KDELR3: variants seen among roughly 807,000 people sequenced by gnomAD.
KDELR3 encodes ER lumen protein-retaining receptor 3.
Under a neutral mutation model 22.7 loss-of-function variants are expected in KDELR3, and 26 were observed. That is an observed-to-expected ratio of 1.15 (90% confidence interval 0.84 to 1.59). The LOEUF is 1.59. KDELR3 is among the 40% of genes most tolerant of loss of function. The pLI is 0.00. For synonymous variants in KDELR3, 120 were observed against 98.2 expected, an observed-to-expected ratio of 1.22 and a Z score of -1.31; for missense variants, 289 against 251.1, an observed-to-expected ratio of 1.15 and a Z score of -1.02.
chr22:38,476,828 CTT>C (rs1256274094), intron 2 of KDELR3, among the ~76,000 whole-genome samples: 36 of 137,730 alleles, frequency 2.6e-4, no homozygotes, highest in Non-Finnish European at 3.5e-4. Flanking sequence ...CTGGCCCCCC[CTT>C]TTTTTTTTTT....
At chr22:38,477,190 G>A (rs2089565922) in intron 2 of KDELR3, among the ~76,000 whole-genome samples, 1 of 150,300 alleles carries the variant, frequency 6.7e-6, no homozygotes, top group Non-Finnish European at 1.5e-5. Flanking sequence ...TGGGATTACA[G>A]GCATTAGCCA....
In KDELR3 at chr22:38,481,329, C is replaced by G. The variant is rs1166044648; in HGVS notation, c.469C>G (p.Leu157Val). The G allele has an allele frequency of 6.2e-7, 1 of 1,614,172 alleles. No homozygotes were observed. Among genetic ancestry groups the G allele is most frequent in the Non-Finnish European group, 8.5e-7 (1 of 1,180,026 alleles). The stretch of plus-strand genomic sequence containing the variant: ...TACTCACTACCTGTTCTTTCTGGGT[C>G]TGTACCGGGCACTCTACCTGGCTAA... ...ITTHYLFFLG[L>V]YRALYLANWI... Residue 157 changes from leucine (L) to valine (V), a missense_variant, in exon 4 of 5, where the codon CTG (leucine) becomes GTG (valine). Physicochemically the swap from Leu to Val is conservative, Grantham distance 32. Transcript: ENST00000216014.
intron 2 of KDELR3, among the ~76,000 whole-genome samples, chr22:38,476,631 TCTC>T (rs1306556889): frequency 2.0e-5 from 3 of 151,618 alleles, no homozygotes; most frequent in Non-Finnish European, 2.9e-5. Context: ...TTCAAGCAAT[TCTC>T]CTACCTCAGC....
At position 38,468,297 on chromosome 22, in the gene KDELR3, A is replaced by G. The variant is rs761777134; in HGVS notation, c.64A>G (p.Lys22Glu). 66 of 1,613,584 alleles carry G rather than the reference A, an allele frequency of 4.1e-5. No individual in the cohort carries two copies. Among genetic ancestry groups the G allele is most frequent in the Non-Finnish European group, 5.4e-5 (64 of 1,179,890 alleles). The change falls in exon 1 of 5, where the codon AAG becomes GAG. Residue 22 changes from lysine to glutamate, a missense_variant. Physicochemically the swap from Lys to Glu is moderately conservative, Grantham distance 56. Coordinates refer to ENST00000216014, the MANE Select transcript of KDELR3 (RefSeq NM_006855.4). Reference protein sequence around the residue: ...HLLAMILLLGKIWRSKCCKGI... With the variant: ...HLLAMILLLGEIWRSKCCKGI... ...CCTGGCCATGATCTTGCTGCTGGGGAAGATCTGGAGGTCCAAGTGCTGCAA... is the reference window on the plus strand; with the variant it reads ...CCTGGCCATGATCTTGCTGCTGGGGGAGATCTGGAGGTCCAAGTGCTGCAA...
At chr22:38,474,950 C>T (rs1029177364) in intron 2 of KDELR3, among the ~76,000 whole-genome samples, 2 of 151,546 alleles carry the variant, frequency 1.3e-5, no homozygotes, top group Admixed American at 6.6e-5. Flanking sequence ...CGTGGTGGCT[C>T]ATGCCTGCAG....
Position 38,468,212 on chromosome 22 carries a change from C to G in KDELR3, c.-22C>G. ...TTCCTAGAAGTTTGCTGGGCGCGGG[C>G]GCACGACTGACTGGCTGGACCATGA... On this transcript the variant is annotated 5_prime_UTR_variant, in exon 1 of 5. Coordinates refer to ENST00000216014, the MANE Select transcript of KDELR3 (RefSeq NM_006855.4). 3 of 1,610,526 alleles carry G rather than the reference C, an allele frequency of 1.9e-6. No homozygotes were observed. Among genetic ancestry groups the G allele is most frequent in the Non-Finnish European group, 2.5e-6 (3 of 1,177,080 alleles).
chr22:38,481,523 A>C (rs764153917), intron 4 of KDELR3, 59 bp downstream of exon 4: 1 of 1,610,728 alleles, frequency 6.2e-7, no homozygotes, highest in Admixed American at 1.7e-5. Context: ...CATCCATTTA[A>C]TAAGTATTCC....
At position 38,482,579 on chromosome 22, in the gene KDELR3, A is replaced by T. The variant is rs759811411; in HGVS notation, c.*43A>T. ...CTACGCCTTAACAAGCACATGAAGG[A>T]AACTATTTTGAATGTTCTCTTTGGC... On this transcript the variant is annotated 3_prime_UTR_variant, in exon 5 of 5. Coordinates refer to ENST00000216014, the MANE Select transcript of KDELR3 (RefSeq NM_006855.4). 1.3e-6 allele frequency: 2 copies of T among 1,529,108 alleles called. No homozygotes were observed. Among genetic ancestry groups the T allele is most frequent in the Non-Finnish European group, 1.8e-6 (2 of 1,106,248 alleles). The allele number at this position is 1,529,108 out of a possible 1,614,324, so 94.7% of individuals were successfully genotyped here. A position where few individuals can be genotyped will look rare whatever the true frequency, so the allele number is the denominator to read the frequency against.
intron 1 of KDELR3, among the ~76,000 whole-genome samples, chr22:38,470,739 G>A (rs1441499343): frequency 1.3e-5 from 2 of 152,144 alleles, no homozygotes; most frequent in East Asian, 1.9e-4. Context: ...AGTGGACCCC[G>A]GAGGGACTCT....
chr22:38,481,834 T>C (rs567343796), intron 4 of KDELR3, among the ~76,000 whole-genome samples: 168 of 152,330 alleles, frequency 1.1e-3, no homozygotes, highest in Non-Finnish European at 1.8e-3. Context: ...CCAGTTCACA[T>C]AGGGCAGGGG....
At chr22:38,479,895 G>A in intron 3 of KDELR3, 144 bp downstream of exon 3, 1 of 803,162 alleles carries the variant, frequency 1.2e-6, no homozygotes, top group Non-Finnish European at 2.0e-6. Context: ...AAATTGACAA[G>A]CTATTTACAA....
At chr22:38,471,355 G>A (rs747528491) in intron 1 of KDELR3, among the ~76,000 whole-genome samples, 2 of 152,216 alleles carry the variant, frequency 1.3e-5, no homozygotes, top group Non-Finnish European at 2.9e-5. Flanking sequence ...CAAAGTCTGT[G>A]TGAGGGCTCA....
intron 1 of KDELR3, among the ~76,000 whole-genome samples, chr22:38,472,996 G>C (rs1217232071): frequency 1.3e-5 from 2 of 152,008 alleles, no homozygotes; most frequent in South Asian, 2.1e-4. Context: ...CACCGCCCCC[G>C]GCCCAAATAC....
intron 1 of KDELR3, among the ~76,000 whole-genome samples, chr22:38,471,184 G>C (rs1225874251): frequency 2.0e-5 from 3 of 152,034 alleles, no homozygotes; most frequent in Non-Finnish European, 4.4e-5. Flanking sequence ...AGATCACAAG[G>C]GTTCCCAAAG....
chr22:38,478,658 T>TTTG (rs2089577372), intron 2 of KDELR3, among the ~76,000 whole-genome samples: 1 of 132,016 alleles, frequency 7.6e-6, no homozygotes, highest in African/African-American at 2.8e-5. Context: ...TTTTTTTTTT[T>TTTG]TGAGACAGAG....
intron 3 of KDELR3, 99 bp downstream of exon 3, chr22:38,479,850 A>G (rs1326614550): frequency 1.9e-6 from 2 of 1,047,952 alleles, no homozygotes; most frequent in Non-Finnish European, 2.9e-6. Context: ...AACTGTGACC[A>G]TTACTCATGT....
chr22:38,480,362 TCCAA>T (rs2089590890), intron 3 of KDELR3, among the ~76,000 whole-genome samples: 1 of 152,060 alleles, frequency 6.6e-6, no homozygotes, highest in Non-Finnish European at 1.5e-5. Flanking sequence ...CAGGCTGGTC[TCCAA>T]CTCCTGACCT....
At chr22:38,481,080 A>G in intron 3 of KDELR3, 132 bp from the exon 4 acceptor site, 1 of 786,902 alleles carries the variant, frequency 1.3e-6, no homozygotes, top group Non-Finnish European at 2.1e-6. Context: ...AAAATATTAT[A>G]ATTTTTATTG....
At position 38,482,520 on chromosome 22, in the gene KDELR3, T is replaced by G; in HGVS notation, c.629T>G (p.Leu210Arg). 2 of 1,612,976 alleles carry G rather than the reference T, an allele frequency of 1.2e-6. No individual in the cohort carries two copies. The highest frequency in any genetic ancestry group is 1.7e-6 in the Non-Finnish European group (2 of 1,178,918). ...TKVLKGKKLS[L>R]PMPI ...GTCCTTAAGGGAAAGAAGTTAAGTCTTCCAATGCCAATCTGAGGACCTTCA... is the reference window on the plus strand; with the variant it reads ...GTCCTTAAGGGAAAGAAGTTAAGTCGTCCAATGCCAATCTGAGGACCTTCA... The change falls in exon 5 of 5, where the codon CTT (leucine) becomes CGT (arginine). Residue 210 changes from leucine (L) to arginine (R), a missense_variant. Coordinates refer to ENST00000216014, the MANE Select transcript of KDELR3 (RefSeq NM_006855.4).
Sources: allele counts gnomAD v4.1 joint callset (sites outside exome capture counted in the v4.1 genomes callset), GRCh38; gene constraint gnomAD v4.1.1; transcripts MANE v1.5; gene names NCBI Gene and HGNC (gene_info 2026-07-23, HGNC 2026-07-21).